LRCH1: variants seen among roughly 807,000 people sequenced by gnomAD.
LRCH1 encodes the protein leucine rich repeats and calponin homology domain containing 1, also known as leucine-rich repeat and calponin homology domain-containing protein 1.
LRCH1 carries 23 observed loss-of-function variants against 94.9 expected under a neutral mutation model. The ratio of observed to expected loss-of-function variants is 0.24; its 90% CI spans 0.17 to 0.34. LRCH1 has a LOEUF of 0.34. LRCH1 is among the 10% of genes least tolerant of loss of function. The probability of loss-of-function intolerance (pLI) is 1.00; values close to 1 mark genes in which losing one functional copy is unlikely to be tolerated. For missense variants in LRCH1, 790 were observed against 945.9 expected, an observed-to-expected ratio of 0.84 and a Z score of 2.16; for synonymous variants, 364 against 354.9, an observed-to-expected ratio of 1.03 and a Z score of -0.29.
At chr13:46,624,179 C>A (rs2050917461) in intron 1 of LRCH1, among the ~76,000 whole-genome samples, 1 of 152,140 alleles carries the variant, frequency 6.6e-6, no homozygotes, top group Non-Finnish European at 1.5e-5. Flanking sequence ...CCACTACACC[C>A]AGGCCCTGTT....
intron 1 of LRCH1, among the ~76,000 whole-genome samples, chr13:46,588,335 T>G (rs1647512985): frequency 6.6e-6 from 1 of 152,202 alleles, no homozygotes; most frequent in African/African-American, 2.4e-5. Flanking sequence ...CCTATTAGCC[T>G]GATTAGATGT....
rs1449625653 is a variant in LRCH1 at position 46,558,159 on chromosome 13, A to G, written c.307+4456A>G. The stretch of plus-strand genomic sequence containing the variant: ...TTTATGTGTGAGGGAAGAGTTCTGT[A>G]GGAGATGCAAAGTATAAGACAATAC... On this transcript the variant is annotated intron_variant, in intron 1 of 19. Transcript: ENST00000389797. Among the ~76,000 whole-genome samples, 3 of 152,212 alleles carry G rather than the reference A, an allele frequency of 2.0e-5. No individual in the cohort carries two copies. The East Asian group carries it at 5.8e-4, about 29-fold the overall frequency.
At chr13:46,610,985 G>A (rs1181643294) in intron 1 of LRCH1, among the ~76,000 whole-genome samples, 1 of 152,152 alleles carries the variant, frequency 6.6e-6, no homozygotes, top group Non-Finnish European at 1.5e-5. Context: ...AGGTAACTGT[G>A]ACTCTAAAAT....
chr13:46,729,735 T>C (rs1873008612), intron 18 of LRCH1, among the ~76,000 whole-genome samples: 1 of 152,200 alleles, frequency 6.6e-6, no homozygotes, highest in African/African-American at 2.4e-5. Flanking sequence ...CTTTTTCCTC[T>C]ATTCATCATG....
chr13:46,674,487 G>A (rs940138597), intron 3 of LRCH1, among the ~76,000 whole-genome samples: 1 of 152,218 alleles, frequency 6.6e-6, no homozygotes, highest in Non-Finnish European at 1.5e-5. Flanking sequence ...GCTCCATGGA[G>A]CTGGCCCCTC....
chr13:46,719,472 A>C (rs1489606418), intron 16 of LRCH1, among the ~76,000 whole-genome samples: 1 of 152,204 alleles, frequency 6.6e-6, no homozygotes, highest in Non-Finnish European at 1.5e-5. Flanking sequence ...GACACAGATA[A>C]AAGAATTTTG....
intron 11 of LRCH1, 26 bp from the exon 12 acceptor site, chr13:46,705,042 T>C (rs1566238860): frequency 8.2e-7 from 1 of 1,225,604 alleles, no homozygotes; most frequent in Non-Finnish European, 1.2e-6. Context: ...ATACGTTTAC[T>C]AATATCTTTT....
intron 16 of LRCH1, 51 bp downstream of exon 16, chr13:46,715,715 G>A (rs553068459): frequency 1.8e-5 from 19 of 1,058,560 alleles, no homozygotes; most frequent in African/African-American, 1.3e-4. Context: ...AAGCCAATGC[G>A]TATACTGAAC....
At position 46,744,238 on chromosome 13, in the gene LRCH1, G is replaced by C; in HGVS notation, c.*2390G>C. On this transcript the variant is annotated 3_prime_UTR_variant, in exon 20 of 20. Coordinates refer to ENST00000389797, the MANE Select transcript of LRCH1 (RefSeq NM_001164211.2). ...CTCCTTAGAGTCTGAGAAGTAGTCA[G>C]GGATGTCACTGAGTGGTTTATTGTG... 1 of 985,396 alleles carries C rather than the reference G, an allele frequency of 1.0e-6. No homozygotes were observed. The highest frequency in any genetic ancestry group is 1.2e-6 in the Non-Finnish European group (1 of 829,932). 61.0% of individuals were successfully genotyped at this position (985,396 alleles called of 1,614,324 possible).
intron 1 of LRCH1, among the ~76,000 whole-genome samples, chr13:46,612,337 A>T (rs1160983392): frequency 6.6e-6 from 1 of 152,370 alleles, no homozygotes; most frequent in East Asian, 1.9e-4. Flanking sequence ...TATATTTTGT[A>T]TACACGGTTA....
intron 1 of LRCH1, among the ~76,000 whole-genome samples, chr13:46,589,918 T>G (rs2050480665): frequency 6.7e-6 from 1 of 150,344 alleles, no homozygotes; most frequent in African/African-American, 2.5e-5. Context: ...TTTTTTTTTT[T>G]GACATTGACT....
intron 1 of LRCH1, among the ~76,000 whole-genome samples, chr13:46,580,938 G>C (rs966390038): frequency 6.6e-6 from 1 of 152,154 alleles, no homozygotes; most frequent in African/African-American, 2.4e-5. Context: ...AATCCAAAAT[G>C]TCATTAAAAT....
chr13:46,661,303 CT>C (rs2051444857), intron 2 of LRCH1, among the ~76,000 whole-genome samples: 1 of 152,124 alleles, frequency 6.6e-6, no homozygotes. Context: ...GTTTTTGTGT[CT>C]GAAAAGTGGG....
intron 13 of LRCH1, among the ~76,000 whole-genome samples, chr13:46,711,104 C>T (rs1330282996): frequency 6.6e-6 from 1 of 152,122 alleles, no homozygotes; most frequent in African/African-American, 2.4e-5. Flanking sequence ...CCATGCCCCA[C>T]AAATTTCTCT....
At chr13:46,734,256 GA>G (rs34879765) in intron 19 of LRCH1, among the ~76,000 whole-genome samples, 3 of 152,002 alleles carry the variant, frequency 2.0e-5, no homozygotes, top group South Asian at 2.1e-4. Flanking sequence ...TTTCAGACTT[GA>G]AAAAAAATTT....
At chr13:46,717,375 G>A (rs1055681185) in intron 16 of LRCH1, 1 of 152,260 alleles carries the variant, frequency 6.6e-6, no homozygotes, top group African/African-American at 2.4e-5. Context: ...TTCACATGCA[G>A]CTGTTATGCT....
At chr13:46,585,214 A>C (rs1334304154) in intron 1 of LRCH1, among the ~76,000 whole-genome samples, 1 of 152,230 alleles carries the variant, frequency 6.6e-6, no homozygotes, top group Non-Finnish European at 1.5e-5. Flanking sequence ...ATTTCAAAAC[A>C]TGCTGAGTCT....
In LRCH1 at chr13:46,553,634, G is replaced by T. The variant is rs2050027235; in HGVS notation, c.238G>T (p.Ala80Ser). ...AANSGGLNLS[A>S]RKLKEFPRTA... ...CAACTCCGGGGGGCTGAACCTGAGC[G>T]CCAGGAAATTGAAGGAATTTCCCCG... The change falls in exon 1 of 20, where the codon GCC (alanine) becomes TCC (serine). Residue 80 changes from alanine to serine, a missense_variant. Ala to Ser is a moderately conservative substitution (Grantham distance 99). Transcript: ENST00000389797. 3 of 1,599,004 alleles carry T rather than the reference G, an allele frequency of 1.9e-6. No homozygotes were observed. Among genetic ancestry groups the T allele is most frequent in the Admixed American group, 1.7e-5 (1 of 58,502 alleles).
chr13:46,583,132 G>A (rs1219271378), intron 1 of LRCH1, among the ~76,000 whole-genome samples: 1 of 152,106 alleles, frequency 6.6e-6, no homozygotes, highest in East Asian at 1.9e-4. Flanking sequence ...TTTATCTTTT[G>A]TAAGTTTGTC....
Sources: gnomAD v4.1 joint callset for allele counts (sites outside exome capture counted in the v4.1 genomes callset) on GRCh38, gnomAD v4.1.1 for gene constraint, MANE v1.5 for transcripts, NCBI Gene and HGNC (gene_info 2026-07-23, HGNC 2026-07-21) for gene names.